Variants in TGFB1I1 observed in about 807,000 individuals in gnomAD.
TGFB1I1 encodes transforming growth factor beta-1-induced transcript 1 protein.
TGFB1I1 carries 33 observed loss-of-function variants against 52.0 expected under a neutral mutation model. That is an observed-to-expected ratio of 0.63 (90% CI 0.48 to 0.85). The LOEUF (loss-of-function observed/expected upper bound fraction) is 0.85, where lower values mean the gene tolerates loss of function less well. TGFB1I1 is among the 40% of genes least tolerant of loss of function. TGFB1I1 has a pLI of 0.00. For synonymous variants in TGFB1I1, 236 were observed against 253.3 expected (o/e 0.93, Z 0.65); for missense variants, 577 against 614.9 (o/e 0.94, Z 0.65).
rs2082431956 is a variant in TGFB1I1, at chr16:31,477,279, T to C, written c.1120-31T>C. 3.8e-6 allele frequency: 6 copies of C among 1,583,210 alleles called. No homozygotes were observed. The highest frequency in any genetic ancestry group is 5.2e-6 in the Non-Finnish European group (6 of 1,162,446). On this transcript the variant is annotated intron_variant, in intron 10 of 10. Transcript: ENST00000394863. This position sits in a 1 kb window ranked among gnomAD's most constrained non-coding sequence, Gnocchi z 4.7. Reference sequence around the variant, plus strand: ...TTGTCTGGCAGTGGCCGCTGACCTGTCTGTCCTCTTTCGCGGCTTCCCTTC... The same window carrying C: ...TTGTCTGGCAGTGGCCGCTGACCTGCCTGTCCTCTTTCGCGGCTTCCCTTC...
At position 31,474,351 on chromosome 16, in the gene TGFB1I1, C is replaced by G. The variant is rs2082409442; in HGVS notation, c.415C>G (p.Pro139Ala). Residue 139 changes from proline to alanine, a missense_variant and splice_region_variant, in exon 6 of 11, where the codon CCT becomes GCT. By Grantham distance (27) the Pro-to-Ala change is conservative (BLOSUM62 -1). Around this residue, in one of 3 missense-constraint regions of TGFB1I1, gnomAD observed 456 missense variants for 461.6 expected, o/e 0.99. Transcript: ENST00000394863. This position sits in a 1 kb window ranked among gnomAD's most constrained non-coding sequence, Gnocchi z 4.2. ...ATGACACAAGCATGTTCTTCACAGC[C>G]CTTCCAGCCCGTCTCCTGGCCTCCC... Reference protein sequence around the residue: ...QSEDKKRPSLPSSPSPGLPKA... With the variant: ...QSEDKKRPSLASSPSPGLPKA... The G allele has an allele frequency of 6.2e-7, 1 of 1,614,058 alleles. No individual in the cohort carries two copies.
intron 1 of TGFB1I1, 171 bp from the exon 2 acceptor site, chr16:31,473,270 T>C: frequency 7.0e-7 from 1 of 1,418,852 alleles, no homozygotes. Flanking sequence ...TGGGATATTC[T>C]GGTCATAAAT....
intron 1 of TGFB1I1, 123 bp downstream of exon 1, chr16:31,472,324 C>G: frequency 7.4e-7 from 1 of 1,343,928 alleles, no homozygotes; most frequent in Non-Finnish European, 9.6e-7. Flanking sequence ...CCTCTGCCCG[C>G]GCCTCCTTTC....
rs2082422965 is a variant in TGFB1I1 at position 31,476,276 on chromosome 16, G to T, written c.888+91G>T. ...ACCGCATGGGTCCCGCCCCACCCGC[G>T]ATACCCCACTCCACCCCTACCCCTT... is the stretch of plus-strand genomic sequence containing the variant. On this transcript the variant is annotated intron_variant, in intron 8 of 10. Transcript: ENST00000394863. This position sits in a 1 kb window ranked among gnomAD's most constrained non-coding sequence, Gnocchi z 7.6. The T allele has an allele frequency of 6.8e-7, 1 of 1,476,928 alleles. No individual in the cohort carries two copies. 91.5% of individuals were successfully genotyped at this position (1,476,928 alleles called of 1,614,324 possible).
At position 31,474,037 on chromosome 16, in the gene TGFB1I1, C is replaced by T; in HGVS notation, c.325+60C>T. The stretch of plus-strand genomic sequence containing the variant: ...AGGGGCAGGGGAGGGAAGGGTGGGG[C>T]AGAGACTAAGAGGAATACACTTCCC... On this transcript the variant is annotated intron_variant, in intron 4 of 10. Coordinates refer to ENST00000394863, the MANE Select transcript of TGFB1I1 (RefSeq NM_001042454.3). This position sits in a 1 kb window ranked among gnomAD's most constrained non-coding sequence, Gnocchi z 4.2. 6.2e-7 allele frequency: 1 copy of T among 1,610,106 alleles called. No homozygotes were observed. Among genetic ancestry groups the T allele is most frequent in the Non-Finnish European group, 8.5e-7 (1 of 1,177,164 alleles).
chr16:31,473,663 G>A lies in TGFB1I1; in HGVS notation c.130-19G>A. The A allele has an allele frequency of 6.4e-7, 1 of 1,572,814 alleles. No homozygotes were observed. The highest frequency in any genetic ancestry group is 8.6e-7 in the Non-Finnish European group (1 of 1,158,600). Reference sequence around the variant, plus strand: ...AGAGTGCAGGCCTGTCATCCCACCTGTGCGTCTCCGCTCTGTAGACAGGGT... The same window carrying A: ...AGAGTGCAGGCCTGTCATCCCACCTATGCGTCTCCGCTCTGTAGACAGGGT... On this transcript the variant is annotated intron_variant, in intron 2 of 10. Coordinates refer to ENST00000394863, the MANE Select transcript of TGFB1I1 (RefSeq NM_001042454.3).
chr16:31,474,703 T>C lies in TGFB1I1; in HGVS notation c.660T>C (p.Val220=). The C allele has an allele frequency of 1.2e-6, 2 of 1,612,796 alleles. No homozygotes were observed. The highest frequency in any genetic ancestry group is 1.7e-6 in the Non-Finnish European group (2 of 1,179,678). The change falls in exon 7 of 11, where the codon GTT becomes GTC. Residue 220 remains valine (V), a synonymous_variant. Coordinates refer to ENST00000394863, the MANE Select transcript of TGFB1I1 (RefSeq NM_001042454.3). The surrounding 1 kb of genome is among the most constrained non-coding windows in gnomAD (Gnocchi z 4.2). ...LLQSDLSRRG[V]PTQAKGLCGS... ...AGTCCGACCTCAGCCGCCGGGGTGTTCCCACCCAGGCCAAAGGCCTCTGTG... is the reference window on the plus strand; with the variant it reads ...AGTCCGACCTCAGCCGCCGGGGTGTCCCCACCCAGGCCAAAGGCCTCTGTG...
chr16:31,477,426 G>C lies in TGFB1I1; in HGVS notation c.1236G>C (p.Val412=). The stretch of plus-strand genomic sequence containing the variant: ...TGTGCGCCACGTGTGGCCTCCCTGT[G>C]ACCGGCCGCTGCGTGTCGGCCCTGG... ...GSLCATCGLP[V]TGRCVSALGR... is the part of the protein sequence containing the mutation. The change falls in exon 11 of 11, where the codon GTG becomes GTC. Residue 412 remains valine (V), a synonymous_variant. Transcript: ENST00000394863. This position sits in a 1 kb window ranked among gnomAD's most constrained non-coding sequence, Gnocchi z 4.7. The C allele has an allele frequency of 2.5e-6, 4 of 1,603,216 alleles. No individual in the cohort carries two copies. The highest frequency in any genetic ancestry group is 3.4e-6 in the Non-Finnish European group (4 of 1,175,564).
chr16:31,475,726 C>T, intron 7 of TGFB1I1: 1 of 334,224 alleles, frequency 3.0e-6, no homozygotes, highest in Non-Finnish European at 5.5e-6. Flanking sequence ...CCAGCCTGAT[C>T]GTATTTTGAT....
chr16:31,474,026 G>C lies in TGFB1I1; in HGVS notation c.325+49G>C. On this transcript the variant is annotated intron_variant, in intron 4 of 10. Coordinates refer to ENST00000394863, the MANE Select transcript of TGFB1I1 (RefSeq NM_001042454.3). This position sits in a 1 kb window ranked among gnomAD's most constrained non-coding sequence, Gnocchi z 4.2. ...CTTGATGCGATAGGGGCAGGGGAGG[G>C]AAGGGTGGGGCAGAGACTAAGAGGA... 9 of 1,198,402 alleles carry C rather than the reference G, an allele frequency of 7.5e-6. No individual in the cohort carries two copies. Among genetic ancestry groups the C allele is most frequent in the Non-Finnish European group, 1.1e-5 (9 of 826,750 alleles). 74.2% of individuals were successfully genotyped at this position (1,198,402 alleles called of 1,614,324 possible). A position where few individuals can be genotyped will look rare whatever the true frequency, so the allele number is the denominator to read the frequency against.
rs762494746 is a variant in TGFB1I1 at position 31,474,107 on chromosome 16, G to A, written c.326-45G>A. On this transcript the variant is annotated intron_variant, in intron 4 of 10. Coordinates refer to ENST00000394863, the MANE Select transcript of TGFB1I1 (RefSeq NM_001042454.3). This position sits in a 1 kb window ranked among gnomAD's most constrained non-coding sequence, Gnocchi z 4.2. ...CCTAAAGCCTCAAGTGTGAGGGTGC[G>A]TTGAGCATGGCCCTATATGTAGCGT... 1.2e-5 allele frequency: 19 copies of A among 1,611,564 alleles called. 2 individuals carry two copies. Among genetic ancestry groups the A allele is most frequent in the South Asian group, 1.1e-4 (10 of 90,942 alleles).
At chr16:31,473,604 G>T in intron 2 of TGFB1I1, 48 bp downstream of exon 2, 1 of 1,611,766 alleles carries the variant, frequency 6.2e-7, no homozygotes, top group Non-Finnish European at 8.5e-7. Context: ...GCCAGGCTCG[G>T]CCTGGTCTAT....
Position 31,473,903 on chromosome 16 carries a change from G to C in TGFB1I1, c.251G>C (p.Gly84Ala). 1.2e-6 allele frequency: 2 copies of C among 1,614,110 alleles called. No homozygotes were observed. Among genetic ancestry groups the C allele is most frequent in the Non-Finnish European group, 1.7e-6 (2 of 1,180,022 alleles). ...PAAPPFSSSS[G>A]VLGTGLCELD... ...GCCCCTCCATTCTCCTCTTCCAGCG[G>C]TGTCTTGGGTACCGGGCTCTGTGAG... The change falls in exon 4 of 11, where the codon GGT becomes GCT. Residue 84 changes from glycine (G) to alanine (A), a missense_variant. Gly to Ala is a moderately conservative substitution (Grantham distance 60, BLOSUM62 0). Around this residue, in one of 3 missense-constraint regions of TGFB1I1, gnomAD observed 113 missense variants for 123.9 expected, o/e 0.91. Transcript: ENST00000394863.
Position 31,477,214 on chromosome 16 carries a change from G to T in TGFB1I1, c.1120-96G>T. 1 of 1,501,680 alleles carries T rather than the reference G, an allele frequency of 6.7e-7. No homozygotes were observed. Among genetic ancestry groups the T allele is most frequent in the African/African-American group, 1.4e-5 (1 of 72,318 alleles). The allele number at this position is 1,501,680 out of a possible 1,614,324, so 93.0% of individuals were successfully genotyped here. A position where few individuals can be genotyped will look rare whatever the true frequency, so the allele number is the denominator to read the frequency against. ...GACGGGATTCTTCGCGTCTAGGGCG[G>T]GCTGCGGGGTCCCAGGGCGTTATCC... On this transcript the variant is annotated intron_variant, in intron 10 of 10. Transcript: ENST00000394863. This position sits in a 1 kb window ranked among gnomAD's most constrained non-coding sequence, Gnocchi z 4.7.
At chr16:31,473,216 T>G (rs1035501594) in intron 1 of TGFB1I1, 4 of 1,354,332 alleles carry the variant, frequency 3.0e-6, no homozygotes, top group Admixed American at 3.3e-5. Context: ...GAGAATAAAA[T>G]AATCAGGAGG....
chr16:31,477,202 G>A lies in TGFB1I1; in HGVS notation c.1120-108G>A. Reference sequence around the variant, plus strand: ...AGGGTCCCACCGGACGGGATTCTTCGCGTCTAGGGCGGGCTGCGGGGTCCC... The same window carrying A: ...AGGGTCCCACCGGACGGGATTCTTCACGTCTAGGGCGGGCTGCGGGGTCCC... On this transcript the variant is annotated intron_variant, in intron 10 of 10. Transcript: ENST00000394863. The surrounding 1 kb of genome is among the most constrained non-coding windows in gnomAD (Gnocchi z 4.7). 1.4e-6 allele frequency: 2 copies of A among 1,475,096 alleles called. No individual in the cohort carries two copies. The highest frequency in any genetic ancestry group is 2.3e-5 in the Admixed American group (1 of 43,882). 91.4% of individuals were successfully genotyped at this position (1,475,096 alleles called of 1,614,324 possible).
chr16:31,476,182 A>C lies in TGFB1I1; in HGVS notation c.885A>C (p.Arg295=). Reference sequence around the variant, plus strand: ...GTGGCTTCTGCAACCAGCCCATCCGACACGTGAGCCCCGCCCGGCCGCACC... The same window carrying C: ...GTGGCTTCTGCAACCAGCCCATCCGCCACGTGAGCCCCGCCCGGCCGCACC... ...PRCGFCNQPI[R]HKMVTALGTH... is the part of the protein sequence containing the mutation. Residue 295 remains arginine, a synonymous_variant, in exon 8 of 11, where the codon CGA becomes CGC. Transcript: ENST00000394863. This position sits in a 1 kb window ranked among gnomAD's most constrained non-coding sequence, Gnocchi z 7.6. 6.2e-7 allele frequency: 1 copy of C among 1,611,894 alleles called. No homozygotes were observed. The highest frequency in any genetic ancestry group is 8.5e-7 in the Non-Finnish European group (1 of 1,179,636).
Position 31,472,416 on chromosome 16 carries a change from C to T in TGFB1I1, c.13+215C>T, listed in dbSNP as rs1012987974. 5.4e-6 allele frequency: 5 copies of T among 926,200 alleles called. No homozygotes were observed. In the African/African-American group the frequency reaches 8.6e-5, roughly 16 times the overall value. 57.4% of individuals were successfully genotyped at this position (926,200 alleles called of 1,614,324 possible). ...CCCTCCCTTCTTCCCTCGCTGTGCT[C>T]CTCCATCCCAGGCTGCGGCAGATGG... On this transcript the variant is annotated intron_variant, in intron 1 of 10. Coordinates refer to ENST00000394863, the MANE Select transcript of TGFB1I1 (RefSeq NM_001042454.3).
chr16:31,477,760 G>A lies in TGFB1I1; in HGVS notation c.*184G>A, dbSNP rs45471995. The stretch of plus-strand genomic sequence containing the variant: ...GGCCCAGCCAGACCTAAACCCACAC[G>A]CCCACAAAGTGGATTGCACACAGAC... On this transcript the variant is annotated 3_prime_UTR_variant, in exon 11 of 11. Transcript: ENST00000394863. This position sits in a 1 kb window ranked among gnomAD's most constrained non-coding sequence, Gnocchi z 4.7. 2,373 of 761,096 alleles carry A rather than the reference G, an allele frequency of 3.1e-3. 19 individuals are homozygous for A. Among genetic ancestry groups the A allele is most frequent in the Middle Eastern group, 0.026 (67 of 2,570 alleles). 47.1% of individuals were successfully genotyped at this position (761,096 alleles called of 1,614,324 possible). A position where few individuals can be genotyped will look rare whatever the true frequency, so the allele number is the denominator to read the frequency against.
Sources: allele counts gnomAD v4.1 joint callset, GRCh38; gene constraint gnomAD v4.1.1; regional missense constraint gnomAD v4.1.1; non-coding constraint Gnocchi (gnomAD v3.1); transcripts MANE v1.5; gene names NCBI Gene and HGNC (gene_info 2026-07-23, HGNC 2026-07-21).